Variants in PPP2R2A observed in about 807,000 individuals in gnomAD.
PPP2R2A encodes the protein protein phosphatase 2 regulatory subunit Balpha, also known as serine/threonine-protein phosphatase 2A 55 kDa regulatory subunit B alpha isoform.
A neutral mutation model predicts 53.2 loss-of-function variants in PPP2R2A; 9 were observed. The ratio of observed to expected loss-of-function variants is 0.17; its 90% CI spans 0.10 to 0.30. PPP2R2A has a LOEUF of 0.30. Among genes scored for constraint, PPP2R2A ranks in the 10% least tolerant of loss-of-function variants. PPP2R2A has a pLI of 1.00. For missense variants in PPP2R2A, 235 were observed against 534.6 expected, an observed-to-expected ratio of 0.44 and a Z score of 5.53; for synonymous variants, 169 against 174.2, an observed-to-expected ratio of 0.97 and a Z score of 0.23.
intron 9 of PPP2R2A, among the ~76,000 whole-genome samples, chr8:26,366,698 G>T (rs1805398393): frequency 6.6e-6 from 1 of 152,080 alleles, no homozygotes; most frequent in Non-Finnish European, 1.5e-5. Context: ...GCTTCAGCTT[G>T]GTTGTTATTC....
Position 26,360,928 on chromosome 8 carries a change from A to C in PPP2R2A, c.460-46A>C. The C allele has an allele frequency of 6.5e-7, 1 of 1,536,302 alleles. No individual in the cohort carries two copies. Among genetic ancestry groups the C allele is most frequent in the Non-Finnish European group, 8.8e-7 (1 of 1,142,754 alleles). On this transcript the variant is annotated intron_variant, in intron 5 of 9. Coordinates refer to ENST00000380737, the MANE Select transcript of PPP2R2A (RefSeq NM_002717.4). This position sits in a 1 kb window ranked among gnomAD's most constrained non-coding sequence, Gnocchi z 4.5. ...TTTCTGAATCTTAATTGCTATTTGA[A>C]ACTGAGCCTTTTGTAATTTCTGTTT...
At chr8:26,332,658 TA>T (rs1803447593) in intron 2 of PPP2R2A, among the ~76,000 whole-genome samples, 1 of 152,200 alleles carries the variant, frequency 6.6e-6, no homozygotes, top group South Asian at 2.1e-4. Flanking sequence ...GGGTAGAATT[TA>T]GAATGTGTAT....
intron 2 of PPP2R2A, among the ~76,000 whole-genome samples, chr8:26,295,985 A>G (rs1310456190): frequency 6.6e-6 from 1 of 151,972 alleles, no homozygotes; most frequent in East Asian, 1.9e-4. Context: ...TTTTCTGTTA[A>G]TGATACATTT....
intron 2 of PPP2R2A, among the ~76,000 whole-genome samples, chr8:26,330,821 A>C (rs1038618661): frequency 2.6e-5 from 4 of 152,150 alleles, no homozygotes; most frequent in Non-Finnish European, 5.9e-5. Flanking sequence ...TTTACATTGT[A>C]GAGTGTTGGA....
chr8:26,301,756 C>A (rs950160898), intron 2 of PPP2R2A, among the ~76,000 whole-genome samples: 2 of 152,150 alleles, frequency 1.3e-5, no homozygotes, highest in African/African-American at 4.8e-5. Flanking sequence ...TGAACTCATT[C>A]CAAATGTCTG....
chr8:26,297,005 C>T (rs1171654646), intron 2 of PPP2R2A, among the ~76,000 whole-genome samples: 1 of 152,038 alleles, frequency 6.6e-6, no homozygotes, highest in East Asian at 1.9e-4. Context: ...TCCTGGGTTC[C>T]TGTGTGTTTA....
rs1355981994 is a variant in PPP2R2A, at chr8:26,370,954, A to G, written c.*541A>G. ...CACCCGGTCTTGGTGGTGGTATATT[A>G]AAAAAAGAAAGAATGAAAGCACACA... On this transcript the variant is annotated 3_prime_UTR_variant, in exon 10 of 10. Coordinates refer to ENST00000380737, the MANE Select transcript of PPP2R2A (RefSeq NM_002717.4). This position sits in a 1 kb window ranked among gnomAD's most constrained non-coding sequence, Gnocchi z 6.1. 1 of 153,376 alleles carries G rather than the reference A, an allele frequency of 6.5e-6. No individual in the cohort carries two copies. The highest frequency in any genetic ancestry group is 1.5e-5 in the Non-Finnish European group (1 of 68,704). The allele number at this position is 153,376 out of a possible 1,614,324, so 9.5% of individuals were successfully genotyped here.
At chr8:26,319,672 T>G (rs1287321417) in intron 2 of PPP2R2A, among the ~76,000 whole-genome samples, 1 of 152,136 alleles carries the variant, frequency 6.6e-6, no homozygotes, top group Non-Finnish European at 1.5e-5. Context: ...TGACCATATG[T>G]GCAGGGGTTT....
chr8:26,348,724 G>C (rs1804347328), intron 3 of PPP2R2A, among the ~76,000 whole-genome samples: 1 of 152,278 alleles, frequency 6.6e-6, no homozygotes, highest in Middle Eastern at 3.4e-3. Context: ...TCTTTCAGAA[G>C]TTTGCCTTTA....
At chr8:26,358,910 AG>A (rs1563322140) in intron 4 of PPP2R2A, 1 of 456,112 alleles carries the variant, frequency 2.2e-6, no homozygotes, top group East Asian at 6.9e-5. Flanking sequence ...CTTTAAGTAC[AG>A]GCTGGATTTA....
intron 4 of PPP2R2A, among the ~76,000 whole-genome samples, chr8:26,356,024 C>T (rs1032962232): frequency 3.3e-5 from 5 of 152,040 alleles, no homozygotes; most frequent in African/African-American, 7.2e-5. Context: ...ATTAGAGTGA[C>T]TGAGGAGATA....
rs1162078624 is a variant in PPP2R2A, at chr8:26,321,495, G to T, written c.83-17395G>T. On this transcript the variant is annotated intron_variant, in intron 2 of 9. Coordinates refer to ENST00000380737, the MANE Select transcript of PPP2R2A (RefSeq NM_002717.4). The surrounding 1 kb of genome is among the most constrained non-coding windows in gnomAD (Gnocchi z 4.1). ...CTTGCTTCCACAAGTGGGGCAAGAT[G>T]CTGGGATGCTGCTTCAGAGGTTAGG... 6.6e-6 allele frequency among the ~76,000 whole-genome samples: 1 copy of T among 152,238 alleles called. No homozygotes were observed. The highest frequency in any genetic ancestry group is 2.4e-5 in the African/African-American group (1 of 41,452).
At chr8:26,305,217 T>C (rs1016023242) in intron 2 of PPP2R2A, among the ~76,000 whole-genome samples, 1 of 152,236 alleles carries the variant, frequency 6.6e-6, no homozygotes, top group Non-Finnish European at 1.5e-5. Flanking sequence ...GGTTCATCCC[T>C]GTTGTAGTAT....
At chr8:26,297,270 C>T (rs557204536) in intron 2 of PPP2R2A, among the ~76,000 whole-genome samples, 17 of 152,036 alleles carry the variant, frequency 1.1e-4, no homozygotes, top group African/African-American at 1.4e-4. Flanking sequence ...CCGCCATGTC[C>T]GGCTCATTTT....
intron 2 of PPP2R2A, among the ~76,000 whole-genome samples, chr8:26,319,970 A>G (rs1292678188): frequency 1.3e-5 from 2 of 152,166 alleles, no homozygotes; most frequent in African/African-American, 4.8e-5. Flanking sequence ...GTTCATTGGT[A>G]GTGTGTAGAA....
chr8:26,303,104 A>G (rs1037729257), intron 2 of PPP2R2A, among the ~76,000 whole-genome samples: 1 of 152,178 alleles, frequency 6.6e-6, no homozygotes, highest in Admixed American at 6.5e-5. Flanking sequence ...TGCCTACGAA[A>G]GTAGTTTCTG....
intron 2 of PPP2R2A, among the ~76,000 whole-genome samples, chr8:26,310,986 T>C (rs1802265607): frequency 6.6e-6 from 1 of 152,164 alleles, no homozygotes; most frequent in South Asian, 2.1e-4. Context: ...CTCAAAGAAA[T>C]AATTTGGGTC....
chr8:26,360,292 A>T lies in PPP2R2A; in HGVS notation c.459+11A>T. The stretch of plus-strand genomic sequence containing the variant: ...GTTACTACACTACGAGTAAGTACAT[A>T]AGAAAAAAATGTCACAGATAGTGCT... On this transcript the variant is annotated intron_variant, in intron 5 of 9. Coordinates refer to ENST00000380737, the MANE Select transcript of PPP2R2A (RefSeq NM_002717.4). This position sits in a 1 kb window ranked among gnomAD's most constrained non-coding sequence, Gnocchi z 4.5. The T allele has an allele frequency of 6.6e-7, 1 of 1,511,396 alleles. No individual in the cohort carries two copies. Among genetic ancestry groups the T allele is most frequent in the Non-Finnish European group, 9.1e-7 (1 of 1,100,132 alleles). 93.6% of individuals were successfully genotyped at this position (1,511,396 alleles called of 1,614,324 possible). A position where few individuals can be genotyped will look rare whatever the true frequency, so the allele number is the denominator to read the frequency against.
At chr8:26,356,850 A>G (rs945746187) in intron 4 of PPP2R2A, among the ~76,000 whole-genome samples, 3 of 152,222 alleles carry the variant, frequency 2.0e-5, no homozygotes, top group South Asian at 4.1e-4. Context: ...TCCTCAGTTC[A>G]TGGCTAATTT....
Sources: gnomAD v4.1 joint callset for allele counts (sites outside exome capture counted in the v4.1 genomes callset) on GRCh38, gnomAD v4.1.1 for gene constraint, Gnocchi (gnomAD v3.1) non-coding constraint, MANE v1.5 for transcripts, NCBI Gene and HGNC (gene_info 2026-07-23, HGNC 2026-07-21) for gene names.